CCSER2: variants seen among roughly 807,000 people sequenced by gnomAD.
The protein encoded by CCSER2 is serine-rich coiled-coil domain-containing protein 2.
Under a neutral mutation model 92.3 loss-of-function variants are expected in CCSER2, and 46 were observed. The ratio of observed to expected loss-of-function variants is 0.50; its 90% CI spans 0.39 to 0.64. CCSER2 has a LOEUF of 0.64. Ranked by LOEUF, CCSER2 falls within the 30% of genes least tolerant of loss-of-function variation. The pLI is 0.00. For synonymous variants in CCSER2, 433 were observed against 431.4 expected, an observed-to-expected ratio of 1.00 and a Z score of -0.04; for missense variants, 1,244 against 1,238.9, an observed-to-expected ratio of 1.00 and a Z score of -0.06.
chr10:84,447,931 C>CTA (rs1225945042), intron 6 of CCSER2, among the ~76,000 whole-genome samples: 1 of 152,114 alleles, frequency 6.6e-6, no homozygotes, highest in Non-Finnish European at 1.5e-5. Flanking sequence ...GTAGCTGGGA[C>CTA]TATAGGTATG....
chr10:84,511,666 C>T (rs1849353668), intron 9 of CCSER2, among the ~76,000 whole-genome samples: 1 of 152,158 alleles, frequency 6.6e-6, no homozygotes, highest in South Asian at 2.1e-4. Context: ...TGCCTCCTTC[C>T]TAATTACTTT....
intron 1 of CCSER2, among the ~76,000 whole-genome samples, chr10:84,353,261 G>A (rs1353141668): frequency 1.3e-5 from 2 of 152,030 alleles, no homozygotes; most frequent in African/African-American, 4.8e-5. Flanking sequence ...TTCTTGCCTC[G>A]GTCATGGAGA....
chr10:84,425,148 C>G, intron 4 of CCSER2: 1 of 984,814 alleles, frequency 1.0e-6, no homozygotes, highest in South Asian at 4.7e-5. Context: ...AAACTACTGG[C>G]TTTGTTTTCA....
intron 9 of CCSER2, among the ~76,000 whole-genome samples, chr10:84,510,454 G>A (rs1589845714): frequency 6.6e-6 from 1 of 152,268 alleles, no homozygotes; most frequent in African/African-American, 2.4e-5. Context: ...CAGGAACAAA[G>A]TTATGTTCAG....
intron 4 of CCSER2, among the ~76,000 whole-genome samples, chr10:84,421,057 G>A (rs1210310737): frequency 6.6e-6 from 1 of 152,016 alleles, no homozygotes; most frequent in Non-Finnish European, 1.5e-5. Flanking sequence ...CTTTAATTTG[G>A]ATACAAGTTT....
At chr10:84,466,334 A>C (rs1274958880) in intron 7 of CCSER2, among the ~76,000 whole-genome samples, 2 of 152,058 alleles carry the variant, frequency 1.3e-5, no homozygotes, top group African/African-American at 4.8e-5. Context: ...CTATCCTTTT[A>C]TTTAATCTCA....
At chr10:84,396,870 A>C (rs1401275684) in intron 3 of CCSER2, among the ~76,000 whole-genome samples, 2 of 152,126 alleles carry the variant, frequency 1.3e-5, no homozygotes, top group Non-Finnish European at 2.9e-5. Context: ...ACCGCTGTAT[A>C]CTACTTATTT....
chr10:84,509,795 AGGTTTTG>A (rs1849257410), intron 9 of CCSER2, among the ~76,000 whole-genome samples: 1 of 152,110 alleles, frequency 6.6e-6, no homozygotes, highest in Admixed American at 6.6e-5. Context: ...TTTGCCCTCT[AGGTTTTG>A]TGGGCTTCCG....
At chr10:84,357,923 G>A (rs1362368649) in intron 1 of CCSER2, among the ~76,000 whole-genome samples, 1 of 152,166 alleles carries the variant, frequency 6.6e-6, no homozygotes, top group Non-Finnish European at 1.5e-5. Flanking sequence ...TGACATAATG[G>A]TGTTATGGAA....
At chr10:84,349,910 T>G (rs1445450552) in intron 1 of CCSER2, among the ~76,000 whole-genome samples, 1 of 152,094 alleles carries the variant, frequency 6.6e-6, no homozygotes, top group East Asian at 1.9e-4. Flanking sequence ...TCCCAGCACT[T>G]TGTGAGGCCC....
intron 3 of CCSER2, among the ~76,000 whole-genome samples, chr10:84,375,943 T>C (rs973152491): frequency 6.6e-6 from 1 of 151,948 alleles, no homozygotes; most frequent in South Asian, 2.1e-4. Context: ...CTCACTTTTC[T>C]TGTCTCTGCA....
chr10:84,404,253 A>G (rs893894705), intron 3 of CCSER2, among the ~76,000 whole-genome samples: 1 of 152,144 alleles, frequency 6.6e-6, no homozygotes, highest in African/African-American at 2.4e-5. Flanking sequence ...TAATTTCACT[A>G]TGCCAACCCC....
At chr10:84,414,839 C>T (rs1842817507) in intron 3 of CCSER2, among the ~76,000 whole-genome samples, 1 of 152,042 alleles carries the variant, frequency 6.6e-6, no homozygotes, top group South Asian at 2.1e-4. Context: ...AGGTTTTGTT[C>T]ATTTATTTTC....
chr10:84,354,503 CTCT>C (rs1845049053), intron 1 of CCSER2, among the ~76,000 whole-genome samples: 1 of 151,722 alleles, frequency 6.6e-6, no homozygotes, highest in Non-Finnish European at 1.5e-5. Context: ...TTTTTTATTT[CTCT>C]TCTTTACTCT....
intron 3 of CCSER2, among the ~76,000 whole-genome samples, chr10:84,401,297 G>T (rs1348624727): frequency 6.6e-6 from 1 of 152,106 alleles, no homozygotes; most frequent in African/African-American, 2.4e-5. Flanking sequence ...CAATAAAATT[G>T]ATAAACATTT....
chr10:84,432,118 T>C (rs933824192), intron 5 of CCSER2, among the ~76,000 whole-genome samples: 2 of 152,240 alleles, frequency 1.3e-5, no homozygotes, highest in African/African-American at 4.8e-5. Context: ...GGTATTTCAA[T>C]GTTGTTTTAA....
chr10:84,485,217 GGT>G (rs753636665), intron 9 of CCSER2, among the ~76,000 whole-genome samples: 4 of 152,102 alleles, frequency 2.6e-5, no homozygotes, highest in Non-Finnish European at 5.9e-5. Context: ...CATTAGTGAT[GGT>G]GTGTGTGCAC....
At chr10:84,349,126 G>T (rs1367594026) in intron 1 of CCSER2, among the ~76,000 whole-genome samples, 7 of 151,902 alleles carry the variant, frequency 4.6e-5, no homozygotes, top group Admixed American at 4.6e-4. Flanking sequence ...AGCAAAGAAT[G>T]AGTCATGAGT....
intron 6 of CCSER2, among the ~76,000 whole-genome samples, chr10:84,457,238 T>A (rs11201045): frequency 6.1e-4 from 37 of 60,890 alleles, no homozygotes; most frequent in East Asian, 1.6e-3. Flanking sequence ...ATAAATATAT[T>A]ATATATTATA....
Sources: gnomAD v4.1 joint callset for allele counts (sites outside exome capture counted in the v4.1 genomes callset) on GRCh38, gnomAD v4.1.1 for gene constraint, MANE v1.5 for transcripts, NCBI Gene and HGNC (gene_info 2026-07-23, HGNC 2026-07-21) for gene names.